Variants in KAZN observed in about 807,000 individuals in gnomAD.
The protein encoded by KAZN is kazrin.
Under a neutral mutation model 87.4 loss-of-function variants are expected in KAZN, and 40 were observed. That is an observed-to-expected ratio of 0.46 (90% CI 0.36 to 0.60). The LOEUF (loss-of-function observed/expected upper bound fraction) is 0.60. Among genes scored for constraint, KAZN ranks in the 20% least tolerant of loss-of-function variants. KAZN has a pLI of 0.00. For synonymous variants in KAZN, 466 were observed against 458.3 expected, an observed-to-expected ratio of 1.02 and a Z score of -0.22; for missense variants, 898 against 1,073.9, an observed-to-expected ratio of 0.84 and a Z score of 2.29.
At chr1:14,407,356 T>C (rs1663941487) in intron 2 of KAZN, among the ~76,000 whole-genome samples, 1 of 152,146 alleles carries the variant, frequency 6.6e-6, no homozygotes, top group South Asian at 2.1e-4. Flanking sequence ...AATGAGAAAA[T>C]AGTGATCAGA....
At chr1:14,838,313 A>G (rs1457127716) in intron 1 of KAZN, among the ~76,000 whole-genome samples, 1 of 152,236 alleles carries the variant, frequency 6.6e-6, no homozygotes, top group African/African-American at 2.4e-5. Flanking sequence ...ATAAGTTTCA[A>G]CATATGAAAT....
intron 1 of KAZN, among the ~76,000 whole-genome samples, chr1:14,071,339 G>A (rs538256507): frequency 3.3e-5 from 5 of 152,170 alleles, no homozygotes; most frequent in African/African-American, 7.2e-5. Context: ...AGTCTGGGGG[G>A]ACTGTTTGGC....
At chr1:14,337,329 A>T (rs1199880718) in intron 2 of KAZN, among the ~76,000 whole-genome samples, 1 of 152,260 alleles carries the variant, frequency 6.6e-6, no homozygotes, top group Non-Finnish European at 1.5e-5. Context: ...TATTGAAAGC[A>T]TCCATACTGG....
intron 1 of KAZN, among the ~76,000 whole-genome samples, chr1:14,763,412 G>A (rs1644798086): frequency 6.6e-6 from 1 of 152,162 alleles, no homozygotes; most frequent in Admixed American, 6.5e-5. Context: ...GACCGGCCAG[G>A]GCCCCTGAGG....
intron 1 of KAZN, among the ~76,000 whole-genome samples, chr1:14,761,111 C>T (rs898832031): frequency 6.6e-6 from 1 of 152,132 alleles, no homozygotes; most frequent in African/African-American, 2.4e-5. Flanking sequence ...CATTCTGACC[C>T]ACTCCTCTCC....
At chr1:14,673,336 G>A (rs1243117488) in intron 1 of KAZN, among the ~76,000 whole-genome samples, 1 of 152,232 alleles carries the variant, frequency 6.6e-6, no homozygotes, top group East Asian at 1.9e-4. Flanking sequence ...CCACAGCAAA[G>A]CTTCTTGGAC....
intron 1 of KAZN, among the ~76,000 whole-genome samples, chr1:14,105,173 A>G (rs553756103): frequency 6.6e-6 from 1 of 152,340 alleles, no homozygotes; most frequent in East Asian, 1.9e-4. Context: ...AGAGAGAAGG[A>G]CATAATTCAA....
At chr1:15,101,293 CTT>C (rs1366706078) in intron 10 of KAZN, among the ~76,000 whole-genome samples, 1 of 151,722 alleles carries the variant, frequency 6.6e-6, no homozygotes, top group Admixed American at 6.6e-5. Context: ...TTCTGTGTCC[CTT>C]TCTCTCTCTC....
At chr1:15,102,664 C>T (rs1320201860) in intron 11 of KAZN, among the ~76,000 whole-genome samples, 1 of 152,228 alleles carries the variant, frequency 6.6e-6, no homozygotes, top group Non-Finnish European at 1.5e-5. Context: ...TGAAAAGCAT[C>T]CACTGTGTGC....
intron 1 of KAZN, among the ~76,000 whole-genome samples, chr1:14,016,238 C>T (rs536461926): frequency 6.6e-6 from 1 of 152,256 alleles, no homozygotes; most frequent in African/African-American, 2.4e-5. Flanking sequence ...TTAACTATTG[C>T]TGTATTTATT....
At chr1:15,048,792 CATTG>C (rs1673947996) in intron 4 of KAZN, among the ~76,000 whole-genome samples, 7 of 148,524 alleles carry the variant, frequency 4.7e-5, no homozygotes, top group African/African-American at 7.5e-5. Context: ...GATCCTTGGT[CATTG>C]GTCCTGAGTC....
At chr1:14,821,176 A>G (rs1646727711) in intron 1 of KAZN, among the ~76,000 whole-genome samples, 1 of 152,190 alleles carries the variant, frequency 6.6e-6, no homozygotes, top group Non-Finnish European at 1.5e-5. Context: ...TAAAATTCAT[A>G]TAATGAAGCC....
chr1:13,922,570 T>G (rs906786297), intron 1 of KAZN, among the ~76,000 whole-genome samples: 1 of 152,174 alleles, frequency 6.6e-6, no homozygotes, highest in African/African-American at 2.4e-5. Context: ...TTGCTGTGCT[T>G]AGAGGTTTTG....
At chr1:15,048,789 GGTCATTGGTCCTGA>G (rs1419852924) in intron 4 of KAZN, among the ~76,000 whole-genome samples, 4 of 146,950 alleles carry the variant, frequency 2.7e-5, no homozygotes, top group Non-Finnish European at 6.0e-5. Context: ...GTTGATCCTT[GGTCATTGGTCCTGA>G]GTCGTTGGTC....
chr1:14,669,749 A>G (rs1639803096), intron 1 of KAZN, among the ~76,000 whole-genome samples: 1 of 152,218 alleles, frequency 6.6e-6, no homozygotes, highest in Non-Finnish European at 1.5e-5. Flanking sequence ...CCTGTCTCTA[A>G]GAAACAAACA....
chr1:14,351,635 G>A (rs1222192725), intron 2 of KAZN, among the ~76,000 whole-genome samples: 1 of 152,206 alleles, frequency 6.6e-6, no homozygotes, highest in Non-Finnish European at 1.5e-5. Flanking sequence ...GCCATCATCT[G>A]TGCCAGGAAA....
intron 1 of KAZN, among the ~76,000 whole-genome samples, chr1:14,795,533 G>A (rs1299924807): frequency 6.6e-6 from 1 of 152,182 alleles, no homozygotes; most frequent in South Asian, 2.1e-4. Flanking sequence ...CCTCCTTGCA[G>A]TCGTTTATTT....
At chr1:15,051,413 G>A (rs1674390902) in intron 4 of KAZN, among the ~76,000 whole-genome samples, 2 of 152,228 alleles carry the variant, frequency 1.3e-5, no homozygotes, top group Admixed American at 1.3e-4. Flanking sequence ...CCAGGCTCAG[G>A]GAGCGCATAA....
intron 1 of KAZN, among the ~76,000 whole-genome samples, chr1:14,085,760 C>G (rs1282269846): frequency 6.6e-6 from 1 of 152,072 alleles, no homozygotes; most frequent in African/African-American, 2.4e-5. Context: ...TTTTATTTCT[C>G]TTTAATAAAT....
Sources: allele counts gnomAD v4.1 joint callset (sites outside exome capture counted in the v4.1 genomes callset), GRCh38; gene constraint gnomAD v4.1.1; transcripts MANE v1.5; gene names NCBI Gene and HGNC (gene_info 2026-07-23, HGNC 2026-07-21).